Variants in CD47 observed in about 807,000 individuals in gnomAD.
CD47 encodes the protein leukocyte surface antigen CD47.
A neutral mutation model predicts 44.6 loss-of-function variants in CD47; 11 were observed. The observed-to-expected ratio is 0.25, with a 90% CI of 0.16 to 0.41. The LOEUF is 0.41. Ranked by LOEUF, CD47 falls within the 10% of genes least tolerant of loss-of-function variation. The pLI, the probability that CD47 is intolerant of heterozygous loss-of-function variation, is 1.00. For missense variants in CD47, 306 were observed against 386.7 expected (o/e 0.79, Z 1.75); for synonymous variants, 140 against 136.3 (o/e 1.03, Z -0.19).
At position 108,057,572 on chromosome 3, in the gene CD47, G is replaced by T; in HGVS notation, c.785-3C>A. The T allele has an allele frequency of 7.1e-7, 1 of 1,407,478 alleles. No individual in the cohort carries two copies. The highest frequency in any genetic ancestry group is 1.0e-6 in the Non-Finnish European group (1 of 998,640). 87.2% of individuals were successfully genotyped at this position (1,407,478 alleles called of 1,614,324 possible). On this transcript the variant is annotated splice_region_variant and splice_polypyrimidine_tract_variant and intron_variant, in intron 6 of 10. Coordinates refer to ENST00000361309, the MANE Select transcript of CD47 (RefSeq NM_001777.4). The stretch of plus-strand genomic sequence containing the variant: ...AGGGCCATGCATTGGTATACACGCT[G>T]TAAAAACAAATAAAATTCTGTATTA...
At chr3:108,062,737 G>A (rs1024879319) in intron 3 of CD47, among the ~76,000 whole-genome samples, 4 of 150,836 alleles carry the variant, frequency 2.7e-5, no homozygotes, top group African/African-American at 9.7e-5. Flanking sequence ...CTGCCTCCCA[G>A]GTTCAATGAT....
At chr3:108,083,786 A>G (rs2079463141) in intron 1 of CD47, among the ~76,000 whole-genome samples, 1 of 151,832 alleles carries the variant, frequency 6.6e-6, no homozygotes, top group South Asian at 2.1e-4. Context: ...ATACTCTCCA[A>G]CAGTCCTCTC....
At chr3:108,087,834 G>A (rs539162355) in intron 1 of CD47, among the ~76,000 whole-genome samples, 2 of 152,242 alleles carry the variant, frequency 1.3e-5, no homozygotes, top group East Asian at 3.9e-4. Flanking sequence ...TTTCAACACT[G>A]TATAATCGTA....
intron 5 of CD47, among the ~76,000 whole-genome samples, chr3:108,058,702 C>T (rs2078960347): frequency 6.6e-6 from 1 of 152,206 alleles, no homozygotes; most frequent in African/African-American, 2.4e-5. Context: ...GCTTTTACCA[C>T]ACTTGTGCAT....
At chr3:108,080,564 C>T (rs2079398247) in intron 1 of CD47, among the ~76,000 whole-genome samples, 1 of 151,882 alleles carries the variant, frequency 6.6e-6, no homozygotes, top group African/African-American at 2.4e-5. Flanking sequence ...TTTCTTTATT[C>T]ATTCTCAATA....
At chr3:108,069,781 A>C (rs549093316) in intron 3 of CD47, among the ~76,000 whole-genome samples, 11 of 152,312 alleles carry the variant, frequency 7.2e-5, no homozygotes, top group African/African-American at 2.4e-4. Context: ...TCCCTGCCCA[A>C]GTCATATGAC....
At chr3:108,061,591 G>C (rs768991716) in intron 3 of CD47, among the ~76,000 whole-genome samples, 2 of 152,186 alleles carry the variant, frequency 1.3e-5, no homozygotes, top group Non-Finnish European at 2.9e-5. Flanking sequence ...TGTTTCTGCT[G>C]CTAGCTCCAC....
At chr3:108,073,434 C>G (rs1232781266) in intron 2 of CD47, among the ~76,000 whole-genome samples, 5 of 151,976 alleles carry the variant, frequency 3.3e-5, no homozygotes, top group African/African-American at 1.2e-4. Flanking sequence ...TGCAGAGGAC[C>G]CTGAGTGTGC....
chr3:108,076,800 G>A (rs747576694), intron 2 of CD47, among the ~76,000 whole-genome samples: 72 of 152,114 alleles, frequency 4.7e-4, no homozygotes, highest in Non-Finnish European at 9.3e-4. Context: ...ACGGTGACTG[G>A]CACATGGTAG....
intron 1 of CD47, among the ~76,000 whole-genome samples, chr3:108,088,134 G>A (rs2079556135): frequency 6.6e-6 from 1 of 152,184 alleles, no homozygotes; most frequent in African/African-American, 2.4e-5. Context: ...GACAGGGAAA[G>A]TGATTGAAAA....
chr3:108,080,858 G>A lies in CD47; in HGVS notation c.47-514C>T, dbSNP rs138997743. ...TCCAAAAAAAGTGGCAGGTTCTACTGTACTTTAATATACAAAGTAAATAGG... is the reference window on the plus strand; with the variant it reads ...TCCAAAAAAAGTGGCAGGTTCTACTATACTTTAATATACAAAGTAAATAGG... On this transcript the variant is annotated intron_variant, in intron 1 of 10. Coordinates refer to ENST00000361309, the MANE Select transcript of CD47 (RefSeq NM_001777.4). 6.5e-4 allele frequency among the ~76,000 whole-genome samples: 99 copies of A among 151,698 alleles called. No individual in the cohort carries two copies. The East Asian group carries it at 0.015, about 23-fold the overall frequency.
rs187657378 is a variant in CD47 at position 108,080,280 on chromosome 3, G to A, written c.111C>T (p.Val37=). Residue 37 remains valine (V), a synonymous_variant, in exon 2 of 11, where the codon GTC becomes GTT. Transcript: ENST00000361309. ...TATTAGTAACAAAGCATGGAATGACGACAGTGTCATTACAAAACGTGAATT... is the reference window on the plus strand; with the variant it reads ...TATTAGTAACAAAGCATGGAATGACAACAGTGTCATTACAAAACGTGAATT... ...SVEFTFCNDT[V]VIPCFVTNME... 26 of 1,611,330 alleles carry A rather than the reference G, an allele frequency of 1.6e-5. No homozygotes were observed. In the East Asian group the frequency reaches 2.9e-4, roughly 18 times the overall value.
At chr3:108,080,378 A>G (rs774880101) in intron 1 of CD47, 34 bp from the exon 2 acceptor site, 7 of 1,144,016 alleles carry the variant, frequency 6.1e-6, no homozygotes, top group Non-Finnish European at 5.1e-6. Context: ...TTCATTAATT[A>G]TAGAAGTCTG....
At chr3:108,069,511 G>GTTT (rs71299349) in intron 3 of CD47, among the ~76,000 whole-genome samples, 3 of 140,474 alleles carry the variant, frequency 2.1e-5, no homozygotes, top group Admixed American at 7.0e-5. Context: ...CTACAGATGA[G>GTTT]TTTTTTTTTT....
At chr3:108,054,724 G>A (rs979155736) in intron 7 of CD47, 2 of 151,958 alleles carry the variant, frequency 1.3e-5, no homozygotes, top group South Asian at 2.1e-4. Flanking sequence ...TCCTTAAATT[G>A]AACAAGAAAA....
chr3:108,078,014 T>G (rs2079341077), intron 2 of CD47, among the ~76,000 whole-genome samples: 1 of 152,012 alleles, frequency 6.6e-6, no homozygotes, highest in Non-Finnish European at 1.5e-5. Flanking sequence ...CGTGATAAAA[T>G]GAGAGCGAAC....
chr3:108,055,663 G>C (rs1338047034), intron 7 of CD47: 5 of 620,972 alleles, frequency 8.1e-6, no homozygotes. Flanking sequence ...TAAACATATA[G>C]CATAAATTTT....
chr3:108,086,057 G>T (rs919187013), intron 1 of CD47, among the ~76,000 whole-genome samples: 2 of 152,096 alleles, frequency 1.3e-5, no homozygotes, highest in African/African-American at 4.8e-5. Flanking sequence ...TGGGAAAGAA[G>T]GGGCTTTCTA....
intron 1 of CD47, among the ~76,000 whole-genome samples, chr3:108,085,460 C>T (rs1393483781): frequency 6.6e-6 from 1 of 152,130 alleles, no homozygotes; most frequent in Non-Finnish European, 1.5e-5. Flanking sequence ...TTTTGTATCA[C>T]CTTTCACATA....
Sources: allele counts gnomAD v4.1 joint callset (sites outside exome capture counted in the v4.1 genomes callset), GRCh38; gene constraint gnomAD v4.1.1; transcripts MANE v1.5; gene names NCBI Gene and HGNC (gene_info 2026-07-23, HGNC 2026-07-21).